ACER3: variants seen among roughly 807,000 people sequenced by gnomAD.
ACER3 encodes alkCDase 3.
ACER3 carries 16 observed loss-of-function variants against 48.9 expected under a neutral mutation model. That is an observed-to-expected ratio of 0.33 (90% CI 0.22 to 0.50). The LOEUF (loss-of-function observed/expected upper bound fraction) is 0.50. ACER3 is among the 20% of genes least tolerant of loss of function. The pLI is 0.98. For synonymous variants in ACER3, 109 were observed against 107.8 expected, an observed-to-expected ratio of 1.01 and a Z score of -0.07; for missense variants, 227 against 326.0, an observed-to-expected ratio of 0.70 and a Z score of 2.34.
intron 1 of ACER3, among the ~76,000 whole-genome samples, chr11:76,925,193 C>A (rs975474501): frequency 6.6e-6 from 1 of 151,966 alleles, no homozygotes; most frequent in African/African-American, 2.4e-5. Context: ...ACGATGCGTC[C>A]ATGTTTTCTG....
chr11:76,930,885 C>G (rs1414265124), intron 2 of ACER3, among the ~76,000 whole-genome samples: 8 of 151,908 alleles, frequency 5.3e-5, no homozygotes, highest in African/African-American at 1.9e-4. Flanking sequence ...TTACTTCCAA[C>G]TATGTGGTCA....
intron 2 of ACER3, among the ~76,000 whole-genome samples, chr11:76,957,923 A>C (rs1947884020): frequency 1.4e-5 from 2 of 144,266 alleles, no homozygotes; most frequent in East Asian, 4.1e-4. Flanking sequence ...AACTTAGGAC[A>C]TGAACACAGA....
chr11:76,880,911 A>G (rs1197150753), intron 1 of ACER3, among the ~76,000 whole-genome samples: 2 of 152,046 alleles, frequency 1.3e-5, no homozygotes, highest in Non-Finnish European at 2.9e-5. Flanking sequence ...GCTTTGAGAC[A>G]TAATTAGTTC....
chr11:77,007,840 T>C lies in ACER3; in HGVS notation c.498-7176T>C, dbSNP rs540564271. On this transcript the variant is annotated intron_variant, in intron 7 of 10. Coordinates refer to ENST00000532485, the MANE Select transcript of ACER3 (RefSeq NM_018367.7). ...TGAGCATGGAAGTCTAGGCTCCCCA[T>C]TCAGCCTTTGTTGCATGAGTCGGAA... 9.8e-5 allele frequency among the ~76,000 whole-genome samples: 15 copies of C among 152,286 alleles called. No individual in the cohort carries two copies. In the South Asian group the frequency reaches 2.7e-3, roughly 27 times the overall value.
chr11:76,910,286 AATT>A (rs1946345129), intron 1 of ACER3, among the ~76,000 whole-genome samples: 3 of 152,144 alleles, frequency 2.0e-5, no homozygotes, highest in South Asian at 4.1e-4. Flanking sequence ...AATAATAAAA[AATT>A]ATGATTTTCA....
intron 1 of ACER3, chr11:76,868,341 AC>A: frequency 8.3e-7 from 1 of 1,208,294 alleles, no homozygotes; most frequent in South Asian, 1.4e-5. Context: ...AAATGAAAGG[AC>A]AAATTGAGTG....
chr11:76,902,987 C>T (rs915318960), intron 1 of ACER3, among the ~76,000 whole-genome samples: 4 of 151,960 alleles, frequency 2.6e-5, no homozygotes, highest in East Asian at 1.9e-4. Flanking sequence ...GTGTAAGTTT[C>T]GATAAATTTT....
chr11:76,947,247 T>G (rs2134957838), intron 2 of ACER3, among the ~76,000 whole-genome samples: 1 of 152,312 alleles, frequency 6.6e-6, no homozygotes, highest in South Asian at 2.1e-4. Context: ...ACAACACACC[T>G]TCCCTGAGCC....
intron 2 of ACER3, among the ~76,000 whole-genome samples, chr11:76,927,856 A>G (rs577785739): frequency 6.6e-6 from 1 of 152,158 alleles, no homozygotes; most frequent in East Asian, 1.9e-4. Flanking sequence ...AATCCATTCT[A>G]TCATTGATGG....
chr11:76,943,521 ATACT>A, intron 2 of ACER3, among the ~76,000 whole-genome samples: 1 of 152,156 alleles, frequency 6.6e-6, no homozygotes, highest in Admixed American at 6.5e-5. Flanking sequence ...ATCTGAGAAG[ATACT>A]TAATACGATT....
At chr11:76,886,508 A>G (rs1005317460) in intron 1 of ACER3, among the ~76,000 whole-genome samples, 3 of 152,222 alleles carry the variant, frequency 2.0e-5, no homozygotes, top group Non-Finnish European at 4.4e-5. Context: ...TGTTACAATT[A>G]TATGATTGAA....
intron 1 of ACER3, among the ~76,000 whole-genome samples, chr11:76,894,732 A>G (rs546641869): frequency 2.0e-5 from 3 of 152,362 alleles, no homozygotes; most frequent in Admixed American, 6.5e-5. Flanking sequence ...CAAAGATGTC[A>G]CAAGTTTGGA....
intron 6 of ACER3, among the ~76,000 whole-genome samples, chr11:76,991,743 G>A (rs540654139): frequency 6.7e-6 from 1 of 149,644 alleles, no homozygotes; most frequent in East Asian, 2.0e-4. Context: ...TTGAACCCAC[G>A]AGGCAGAGGT....
chr11:76,936,982 G>C (rs1197427969), intron 2 of ACER3, among the ~76,000 whole-genome samples: 2 of 152,044 alleles, frequency 1.3e-5, no homozygotes, highest in East Asian at 3.8e-4. Flanking sequence ...TTCCCAAAAT[G>C]TTGGTATTAC....
chr11:76,868,329 C>T, intron 1 of ACER3: 1 of 1,235,014 alleles, frequency 8.1e-7, no homozygotes, highest in Non-Finnish European at 1.0e-6. Context: ...AGAATGAAGG[C>T]CAAATGAAAG....
intron 2 of ACER3, among the ~76,000 whole-genome samples, chr11:76,935,083 A>T (rs1947139132): frequency 6.6e-6 from 1 of 152,182 alleles, no homozygotes; most frequent in South Asian, 2.1e-4. Flanking sequence ...AATTCATCGA[A>T]CTTAATAAAG....
intron 1 of ACER3, among the ~76,000 whole-genome samples, chr11:76,898,941 G>T (rs1016707325): frequency 1.8e-4 from 27 of 146,102 alleles, no homozygotes; most frequent in African/African-American, 7.0e-4. Context: ...AATCCTCGTT[G>T]GTGATCTTCC....
At chr11:76,961,419 C>T (rs1316487489) in intron 3 of ACER3, among the ~76,000 whole-genome samples, 2 of 151,982 alleles carry the variant, frequency 1.3e-5, no homozygotes, top group African/African-American at 2.4e-5. Context: ...CATACATTCT[C>T]AAGCTCTGTC....
At chr11:76,874,342 AC>A (rs1349535826) in intron 1 of ACER3, among the ~76,000 whole-genome samples, 1 of 152,138 alleles carries the variant, frequency 6.6e-6, no homozygotes, top group African/African-American at 2.4e-5. Flanking sequence ...ACTGTGAAGT[AC>A]CTGGCAAATA....
Sources: allele counts gnomAD v4.1 joint callset (sites outside exome capture counted in the v4.1 genomes callset), GRCh38; gene constraint gnomAD v4.1.1; transcripts MANE v1.5; gene names NCBI Gene and HGNC (gene_info 2026-07-23, HGNC 2026-07-21).